ESYT2: variants seen among roughly 807,000 people sequenced by gnomAD.
ESYT2 encodes extended synaptotagmin 2.
In ESYT2, 54 loss-of-function variants were observed where a neutral mutation model predicts 107.2. The ratio of observed to expected loss-of-function variants is 0.50; its 90% CI spans 0.40 to 0.63. The LOEUF is 0.63. Ranked by LOEUF, ESYT2 falls within the 30% of genes least tolerant of loss-of-function variation. ESYT2 has a pLI of 0.00. For missense variants in ESYT2, 1,020 were observed against 1,094.5 expected (o/e 0.93, Z 0.96); for synonymous variants, 491 against 434.1 (o/e 1.13, Z -1.63).
intron 9 of ESYT2, among the ~76,000 whole-genome samples, chr7:158,764,276 C>G (rs1838074917): frequency 6.6e-6 from 1 of 152,072 alleles, no homozygotes; most frequent in Admixed American, 6.6e-5. Context: ...TCACGTAGAT[C>G]TCTATTCATT....
Position 158,749,731 on chromosome 7 carries a change from A to C in ESYT2, c.1483-8T>G. The C allele has an allele frequency of 6.2e-7, 1 of 1,612,476 alleles. No homozygotes were observed. Among genetic ancestry groups the C allele is most frequent in the Non-Finnish European group, 8.5e-7 (1 of 1,179,406 alleles). The stretch of plus-strand genomic sequence containing the variant: ...GCTTATTTTCTTCCCTGACTACCCA[A>C]AACAAACAGAAAACAGACAAAATAA... On this transcript the variant is annotated splice_region_variant and splice_polypyrimidine_tract_variant and intron_variant, in intron 14 of 22. Transcript: ENST00000275418.
chr7:158,762,508 CA>C (rs1838005030), intron 10 of ESYT2, among the ~76,000 whole-genome samples: 2 of 152,176 alleles, frequency 1.3e-5, no homozygotes, highest in Admixed American at 1.3e-4. Flanking sequence ...CAATTTAATT[CA>C]GTCAAATAAC....
chr7:158,736,948 C>G, intron 20 of ESYT2, 100 bp downstream of exon 20: 4 of 1,490,216 alleles, frequency 2.7e-6, no homozygotes, highest in Non-Finnish European at 3.6e-6. Context: ...TTCTCAACAG[C>G]TGATTTATGT....
At chr7:158,812,773 C>T (rs1331236525) in intron 1 of ESYT2, among the ~76,000 whole-genome samples, 2 of 152,170 alleles carry the variant, frequency 1.3e-5, no homozygotes, top group South Asian at 2.1e-4. Context: ...CACTGGTATA[C>T]GCTACAATGC....
intron 4 of ESYT2, among the ~76,000 whole-genome samples, chr7:158,788,802 T>C (rs1839191044): frequency 6.6e-6 from 1 of 152,264 alleles, no homozygotes; most frequent in South Asian, 2.1e-4. Flanking sequence ...AAATCTGATG[T>C]TTAAACATTA....
In ESYT2 at chr7:158,741,879, C is replaced by T; in HGVS notation, c.1812G>A (p.Lys604=). 1 of 1,605,606 alleles carries T rather than the reference C, an allele frequency of 6.2e-7. No individual in the cohort carries two copies. Among genetic ancestry groups the T allele is most frequent in the Non-Finnish European group, 8.5e-7 (1 of 1,176,432 alleles). The stretch of plus-strand genomic sequence containing the variant: ...GTTGGTGGTCTGGAGGCCTTTCTCG[C>T]TTTTCGAGATGGAGCACCTAGAGGT... ...KIALRVLHLE[K]RERPPDHQHS... Residue 604 remains lysine, a synonymous_variant, in exon 18 of 23, where the codon AAG becomes AAA. Transcript: ENST00000275418.
intron 14 of ESYT2, among the ~76,000 whole-genome samples, 195 bp downstream of exon 14, chr7:158,752,586 T>C (rs530492750): frequency 6.6e-6 from 1 of 152,364 alleles, no homozygotes; most frequent in South Asian, 2.1e-4. Context: ...TAGTACTTTA[T>C]AAAATTTACC....
intron 10 of ESYT2, 112 bp from the exon 11 acceptor site, chr7:158,761,656 T>C: frequency 1.1e-6 from 1 of 938,400 alleles, no homozygotes; most frequent in Non-Finnish European, 1.7e-6. Flanking sequence ...AGCATTTGTC[T>C]ATGAACAAGC....
intron 1 of ESYT2, among the ~76,000 whole-genome samples, chr7:158,820,405 GTTAA>G (rs1467182751): frequency 6.6e-6 from 1 of 152,164 alleles, no homozygotes; most frequent in Admixed American, 6.5e-5. Flanking sequence ...TAATGCATTT[GTTAA>G]TTAGCTTGAT....
At chr7:158,762,023 C>G (rs1348113687) in intron 10 of ESYT2, among the ~76,000 whole-genome samples, 2 of 152,148 alleles carry the variant, frequency 1.3e-5, no homozygotes, top group Non-Finnish European at 1.5e-5. Flanking sequence ...CACGTTCCCC[C>G]ACCCTTGCTC....
intron 13 of ESYT2, among the ~76,000 whole-genome samples, chr7:158,755,032 G>A (rs1837704646): frequency 6.6e-6 from 1 of 152,128 alleles, no homozygotes; most frequent in Admixed American, 6.5e-5. Context: ...TTAAAGCCCA[G>A]AATTTCATCA....
chr7:158,758,076 C>T (rs1013289787), intron 13 of ESYT2, among the ~76,000 whole-genome samples: 1 of 62,010 alleles, frequency 1.6e-5, no homozygotes, highest in African/African-American at 7.1e-5. Flanking sequence ...GAAGACTGAT[C>T]AAAGGCTAAG....
At chr7:158,816,357 T>C (rs1469012965) in intron 1 of ESYT2, among the ~76,000 whole-genome samples, 3 of 152,222 alleles carry the variant, frequency 2.0e-5, no homozygotes, top group Admixed American at 6.5e-5. Context: ...CCTCAATCCT[T>C]GTCTAACGAA....
At chr7:158,808,330 C>T (rs145280220) in intron 1 of ESYT2, among the ~76,000 whole-genome samples, 30 of 152,368 alleles carry the variant, frequency 2.0e-4, no homozygotes, top group African/African-American at 6.3e-4. Context: ...ACGTTCGCGC[C>T]GAGCATGCTC....
intron 3 of ESYT2, among the ~76,000 whole-genome samples, chr7:158,797,172 G>T (rs1839489462): frequency 6.6e-6 from 1 of 152,070 alleles, no homozygotes; most frequent in Non-Finnish European, 1.5e-5. Context: ...TTTGAAATAG[G>T]GTCTCGCTCT....
intron 3 of ESYT2, among the ~76,000 whole-genome samples, chr7:158,795,867 T>C (rs982427014): frequency 6.6e-6 from 1 of 152,306 alleles, no homozygotes; most frequent in Admixed American, 6.5e-5. Context: ...ACCTCAGGCA[T>C]GTCACAGGAA....
chr7:158,788,731 C>A (rs1048387248), intron 4 of ESYT2, among the ~76,000 whole-genome samples: 1 of 152,152 alleles, frequency 6.6e-6, no homozygotes, highest in African/African-American at 2.4e-5. Context: ...AAAGAAGATG[C>A]GAATAACAAA....
intron 1 of ESYT2, among the ~76,000 whole-genome samples, chr7:158,818,637 C>A (rs1323157009): frequency 6.6e-6 from 1 of 152,248 alleles, no homozygotes; most frequent in African/African-American, 2.4e-5. Context: ...CGAGGACATG[C>A]CTCCCTGCCC....
At chr7:158,760,177 A>G (rs754164374) in intron 11 of ESYT2, 30 bp from the exon 12 acceptor site, 8 of 1,597,488 alleles carry the variant, frequency 5.0e-6, no homozygotes, top group South Asian at 1.1e-5. Flanking sequence ...ACGTTCAGCA[A>G]AAGTTCTTCT....
Sources: allele counts gnomAD v4.1 joint callset (sites outside exome capture counted in the v4.1 genomes callset), GRCh38; gene constraint gnomAD v4.1.1; transcripts MANE v1.5; gene names NCBI Gene and HGNC (gene_info 2026-07-23, HGNC 2026-07-21).